Variants in FNDC3B observed in about 807,000 individuals in gnomAD.
The protein encoded by FNDC3B is fibronectin type III domain containing 3B.
A neutral mutation model predicts 151.5 loss-of-function variants in FNDC3B; 12 were observed. The observed-to-expected ratio is 0.08, with a 90% CI of 0.05 to 0.13. The LOEUF is 0.13. Among genes scored for constraint, FNDC3B ranks in the 10% least tolerant of loss-of-function variants. The pLI is 1.00. For missense variants in FNDC3B, 1,214 were observed against 1,505.3 expected (o/e 0.81, Z 3.20); for synonymous variants, 528 against 549.0 (o/e 0.96, Z 0.54).
At chr3:172,237,551 A>C (rs1318311411) in intron 4 of FNDC3B, 1 of 152,210 alleles carries the variant, frequency 6.6e-6, no homozygotes, top group African/African-American at 2.4e-5. Context: ...ATGCCCATGA[A>C]TAGCCATCAC....
intron 25 of FNDC3B, among the ~76,000 whole-genome samples, chr3:172,387,669 C>T (rs151229297): frequency 6.6e-6 from 1 of 152,232 alleles, no homozygotes; most frequent in East Asian, 1.9e-4. Context: ...TGTACCCATA[C>T]CTCTACTTAA....
At chr3:172,188,137 A>G (rs1724298596) in intron 3 of FNDC3B, among the ~76,000 whole-genome samples, 1 of 151,604 alleles carries the variant, frequency 6.6e-6, no homozygotes, top group Non-Finnish European at 1.5e-5. Flanking sequence ...CTGGGATTAC[A>G]GGCATGTGCC....
chr3:172,316,866 T>C (rs1213976127), intron 11 of FNDC3B, among the ~76,000 whole-genome samples: 2 of 152,280 alleles, frequency 1.3e-5, no homozygotes, highest in African/African-American at 4.8e-5. Context: ...CTGGTTACTT[T>C]ATAAAGAACA....
intron 1 of FNDC3B, among the ~76,000 whole-genome samples, chr3:172,086,047 T>A (rs747304546): frequency 1.3e-5 from 2 of 152,182 alleles, no homozygotes; most frequent in Non-Finnish European, 2.9e-5. Flanking sequence ...TGCTTGAGAT[T>A]TGTTGTCTAA....
intron 1 of FNDC3B, among the ~76,000 whole-genome samples, chr3:172,102,690 G>A (rs1048462683): frequency 1.3e-5 from 2 of 152,164 alleles, no homozygotes; most frequent in Non-Finnish European, 2.9e-5. Flanking sequence ...AGTGCCCAAG[G>A]TCTGGGCAAG....
intron 1 of FNDC3B, among the ~76,000 whole-genome samples, chr3:172,060,514 G>C (rs1208873979): frequency 2.0e-5 from 3 of 152,208 alleles, no homozygotes. Context: ...TGTAGGAACA[G>C]ATAGATTGCA....
intron 1 of FNDC3B, among the ~76,000 whole-genome samples, chr3:172,042,319 C>G (rs1031781841): frequency 3.9e-5 from 6 of 152,176 alleles, no homozygotes; most frequent in Non-Finnish European, 8.8e-5. Context: ...GCTCTAGGCC[C>G]TTGGAGGCTA....
chr3:172,306,353 T>C (rs1301361206), intron 9 of FNDC3B, among the ~76,000 whole-genome samples: 1 of 152,210 alleles, frequency 6.6e-6, no homozygotes, highest in Non-Finnish European at 1.5e-5. Context: ...TGTGTGGCCT[T>C]GGGAAATGTA....
rs543675350 is a variant in FNDC3B at position 172,294,416 on chromosome 3, C to T, written c.850-947C>T. The stretch of plus-strand genomic sequence containing the variant: ...GAAAAGGGGAAGCAGACATGTCTTA[C>T]GTTGCCCGAGAAGGAGGAAGATAGA... On this transcript the variant is annotated intron_variant, in intron 7 of 25. Coordinates refer to ENST00000415807, the MANE Select transcript of FNDC3B (RefSeq NM_022763.4). 4.6e-5 allele frequency among the ~76,000 whole-genome samples: 7 copies of T among 152,286 alleles called. No homozygotes were observed. The East Asian group carries it at 9.7e-4, about 21-fold the overall frequency.
intron 23 of FNDC3B, among the ~76,000 whole-genome samples, chr3:172,364,557 T>A (rs1734518558): frequency 6.6e-6 from 1 of 152,224 alleles, no homozygotes; most frequent in Admixed American, 6.5e-5. Context: ...TCCTGCCCTG[T>A]GTGGGGCAGC....
intron 6 of FNDC3B, among the ~76,000 whole-genome samples, chr3:172,283,576 G>A (rs1383578923): frequency 6.6e-6 from 1 of 152,170 alleles, no homozygotes; most frequent in Admixed American, 6.5e-5. Context: ...ATAGCAAGAG[G>A]AAACAGTTAC....
At chr3:172,095,215 A>G (rs1170760504) in intron 1 of FNDC3B, among the ~76,000 whole-genome samples, 6 of 152,194 alleles carry the variant, frequency 3.9e-5, no homozygotes, top group Non-Finnish European at 7.3e-5. Context: ...GCTGAAGGAT[A>G]TAGTGTAATA....
At chr3:172,258,516 A>T (rs9864532) in intron 6 of FNDC3B, among the ~76,000 whole-genome samples, 1 of 152,146 alleles carries the variant, frequency 6.6e-6, no homozygotes, top group African/African-American at 2.4e-5. Flanking sequence ...TGTATTCACA[A>T]TAACAGTAAT....
At chr3:172,117,434 T>A (rs1720317690) in intron 2 of FNDC3B, among the ~76,000 whole-genome samples, 1 of 152,222 alleles carries the variant, frequency 6.6e-6, no homozygotes, top group South Asian at 2.1e-4. Context: ...GATTTTAAAA[T>A]GTAGCAGCCA....
intron 3 of FNDC3B, among the ~76,000 whole-genome samples, chr3:172,183,733 C>A (rs981908683): frequency 6.6e-6 from 1 of 152,120 alleles, no homozygotes; most frequent in Admixed American, 6.5e-5. Context: ...AATTATTAAA[C>A]TGTAGGCGGG....
At chr3:172,255,811 G>A (rs13094089) in intron 6 of FNDC3B, among the ~76,000 whole-genome samples, 61,965 of 152,020 alleles carry the variant, frequency 0.41, 12,941 homozygotes, top group South Asian at 0.53. Context: ...TCGTCACCTC[G>A]TCCTAGGGCA....
At chr3:172,046,484 ATG>A (rs200629451) in intron 1 of FNDC3B, among the ~76,000 whole-genome samples, 2 of 150,514 alleles carry the variant, frequency 1.3e-5, no homozygotes, top group African/African-American at 5.0e-5. Flanking sequence ...TGCCTGGCTA[ATG>A]TTTTTTTTTT....
intron 21 of FNDC3B, among the ~76,000 whole-genome samples, chr3:172,348,854 C>A (rs888065570): frequency 6.6e-6 from 1 of 152,166 alleles, no homozygotes; most frequent in Non-Finnish European, 1.5e-5. Context: ...CATTGCCACA[C>A]TAAAGGACTA....
intron 23 of FNDC3B, among the ~76,000 whole-genome samples, chr3:172,366,969 A>G (rs1302765610): frequency 6.6e-6 from 1 of 152,140 alleles, no homozygotes; most frequent in Non-Finnish European, 1.5e-5. Context: ...CTTTCCCCTT[A>G]AGTTTGGGCA....
Sources: gnomAD v4.1 joint callset for allele counts (sites outside exome capture counted in the v4.1 genomes callset) on GRCh38, gnomAD v4.1.1 for gene constraint, MANE v1.5 for transcripts, NCBI Gene and HGNC (gene_info 2026-07-23, HGNC 2026-07-21) for gene names.